Variants in ACOD1 observed in about 807,000 individuals in gnomAD.
ACOD1 encodes the protein aconitate decarboxylase 1, also known as cis-aconitate decarboxylase.
A neutral mutation model predicts 14.2 loss-of-function variants in ACOD1; 14 were observed. The ratio of observed to expected loss-of-function variants is 0.99; its 90% CI spans 0.65 to 1.54. ACOD1 has a LOEUF of 1.54. Among genes scored for constraint, ACOD1 ranks in the 40% most tolerant of loss-of-function variants. The pLI is 0.00. For missense variants in ACOD1, 530 were observed against 586.3 expected, an observed-to-expected ratio of 0.90 and a Z score of 0.99; for synonymous variants, 182 against 221.7, an observed-to-expected ratio of 0.82 and a Z score of 1.59.
chr13:76,957,615 G>T lies in ACOD1; in HGVS notation c.1076G>T (p.Arg359Met). 1 of 1,550,642 alleles carries T rather than the reference G, an allele frequency of 6.4e-7. No homozygotes were observed. Among genetic ancestry groups the T allele is most frequent in the Non-Finnish European group, 8.7e-7 (1 of 1,147,026 alleles). The change falls in exon 5 of 5, where the codon AGG becomes ATG. Residue 359 changes from arginine (R) to methionine (M), a missense_variant. By Grantham distance (91) the Arg-to-Met change is moderately conservative. Coordinates refer to ENST00000377462, the MANE Select transcript of ACOD1 (RefSeq NM_001258406.2). ...VPSFHECQIN[R>M]PQVRELLSKV... ...TCATTCCATGAATGCCAGATCAACA[G>T]GCCACAGGTGAGAGAGCTGCTCAGT... is the stretch of plus-strand genomic sequence containing the variant.
In ACOD1 at chr13:76,958,212, T is replaced by C; in HGVS notation, c.*227T>C. 2.2e-6 allele frequency: 1 copy of C among 451,200 alleles called. No individual in the cohort carries two copies. Among genetic ancestry groups the C allele is most frequent in the Non-Finnish European group, 3.9e-6 (1 of 256,866 alleles). The allele number at this position is 451,200 out of a possible 1,614,324, so 27.9% of individuals were successfully genotyped here. A position where few individuals can be genotyped will look rare whatever the true frequency, so the allele number is the denominator to read the frequency against. On this transcript the variant is annotated 3_prime_UTR_variant, in exon 5 of 5. Coordinates refer to ENST00000377462, the MANE Select transcript of ACOD1 (RefSeq NM_001258406.2). ...ACACACAAAAATGAGTTTGTAAGCA[T>C]TCACAAGGGTGAAATTCAACTCACC...
chr13:76,956,869 T>A, intron 4 of ACOD1, 141 bp from the exon 5 acceptor site: 1 of 933,276 alleles, frequency 1.1e-6, no homozygotes, highest in African/African-American at 1.7e-5. Context: ...TTTCCCCAGA[T>A]CATATAGCTA....
chr13:76,957,951 C>T lies in ACOD1; in HGVS notation c.1412C>T (p.Pro471Leu). Residue 471 changes from proline to leucine, a missense_variant, in exon 5 of 5, where the codon CCA becomes CTA. Pro to Leu is a moderately conservative substitution (Grantham distance 98). Transcript: ENST00000377462. ...PSPPEVASNS[P>L]ACNNSITNLS ...CCACCAGAGGTAGCTTCAAACTCTC[C>T]AGCATGTAATAATTCTATCACAAAT... The T allele has an allele frequency of 6.5e-7, 1 of 1,541,424 alleles. No individual in the cohort carries two copies. The highest frequency in any genetic ancestry group is 8.7e-7 in the Non-Finnish European group (1 of 1,144,202).
intron 1 of ACOD1, among the ~76,000 whole-genome samples, chr13:76,951,265 T>C (rs1439432240): frequency 1.3e-5 from 2 of 152,232 alleles, no homozygotes; most frequent in Non-Finnish European, 2.9e-5. Flanking sequence ...GAGAGGAGTC[T>C]CACTCTGTTG....
At position 76,957,546 on chromosome 13, in the gene ACOD1, A is replaced by G; in HGVS notation, c.1007A>G (p.Tyr336Cys). The change falls in exon 5 of 5, where the codon TAT becomes TGT. Residue 336 changes from tyrosine (Y) to cysteine (C), a missense_variant. By Grantham distance (194) the Tyr-to-Cys change is radical. Coordinates refer to ENST00000377462, the MANE Select transcript of ACOD1 (RefSeq NM_001258406.2). ...SEHEARHSFQ[Y>C]VACAMLLDGG... ...CATGAAGCCCGTCATTCATTCCAGT[A>G]TGTGGCCTGTGCCATGCTGCTTGAT... 6.4e-7 allele frequency: 1 copy of G among 1,550,564 alleles called. No individual in the cohort carries two copies. Among genetic ancestry groups the G allele is most frequent in the Non-Finnish European group, 8.7e-7 (1 of 1,147,004 alleles).
chr13:76,952,455 G>A (rs45537933), intron 1 of ACOD1, 34 bp from the exon 2 acceptor site: 32,927 of 1,540,024 alleles, frequency 0.021, 501 homozygotes, highest in East Asian at 0.064. Flanking sequence ...GTAAAGTGGG[G>A]TGTATCCCTG....
chr13:76,948,893 A>G (rs2137742368), intron 1 of ACOD1, among the ~76,000 whole-genome samples: 1 of 152,318 alleles, frequency 6.6e-6, no homozygotes, highest in Admixed American at 6.5e-5. Context: ...CCTTCTGTAT[A>G]AGATAAGCTT....
chr13:76,954,936 G>T (rs912462948), intron 3 of ACOD1, among the ~76,000 whole-genome samples: 3 of 151,948 alleles, frequency 2.0e-5, no homozygotes, highest in African/African-American at 7.3e-5. Context: ...AGACCACCCT[G>T]GCCAACATAG....
chr13:76,955,901 T>TA (rs1008934028), intron 4 of ACOD1, among the ~76,000 whole-genome samples: 1 of 152,222 alleles, frequency 6.6e-6, no homozygotes, highest in Non-Finnish European at 1.5e-5. Context: ...ATCCTGCAGA[T>TA]AAAAAATGGT....
chr13:76,955,359 C>T lies in ACOD1; in HGVS notation c.305C>T (p.Thr102Ile). 6.4e-7 allele frequency: 1 copy of T among 1,550,596 alleles called. No individual in the cohort carries two copies. Among genetic ancestry groups the T allele is most frequent in the Non-Finnish European group, 8.7e-7 (1 of 1,146,990 alleles). ...MDFDDTWHPA[T>I]HPSGAVLPVL... ...TTTGATGACACGTGGCACCCTGCCACCCACCCTTCTGGGGCTGTCCTTCCT... is the reference window on the plus strand; with the variant it reads ...TTTGATGACACGTGGCACCCTGCCATCCACCCTTCTGGGGCTGTCCTTCCT... Residue 102 changes from threonine to isoleucine, a missense_variant, in exon 4 of 5, where the codon ACC becomes ATC. By Grantham distance (89) the Thr-to-Ile change is moderately conservative. Transcript: ENST00000377462.
intron 1 of ACOD1, among the ~76,000 whole-genome samples, chr13:76,949,931 C>A (rs961921010): frequency 3.3e-5 from 5 of 152,168 alleles, no homozygotes; most frequent in African/African-American, 1.2e-4. Context: ...GTGCCACCAT[C>A]CTTTCTCTCT....
Position 76,953,704 on chromosome 13 carries a change from A to G in ACOD1, c.264+15A>G, listed in dbSNP as rs1173143901. 41 of 1,451,184 alleles carry G rather than the reference A, an allele frequency of 2.8e-5. No individual in the cohort carries two copies. Among genetic ancestry groups the G allele is most frequent in the Non-Finnish European group, 3.8e-5 (40 of 1,057,836 alleles). The allele number at this position is 1,451,184 out of a possible 1,614,324, so 89.9% of individuals were successfully genotyped here. The stretch of plus-strand genomic sequence containing the variant: ...ACGGTGTGGCTGTAAGGAGGTTTTC[A>G]CGTCTTTTCAACTATTAGATAATCA... On this transcript the variant is annotated intron_variant, in intron 3 of 4. Coordinates refer to ENST00000377462, the MANE Select transcript of ACOD1 (RefSeq NM_001258406.2).
intron 1 of ACOD1, among the ~76,000 whole-genome samples, chr13:76,950,021 A>C (rs1041896167): frequency 6.6e-6 from 1 of 152,156 alleles, no homozygotes; most frequent in Non-Finnish European, 1.5e-5. Context: ...GACATAAAAA[A>C]TAGCCCATCC....
At chr13:76,952,761 A>G (rs2033835167) in intron 2 of ACOD1, 111 bp downstream of exon 2, 2 of 804,528 alleles carry the variant, frequency 2.5e-6, no homozygotes, top group African/African-American at 1.8e-5. Flanking sequence ...GCACTGTTCT[A>G]TATCATTTTT....
intron 1 of ACOD1, among the ~76,000 whole-genome samples, chr13:76,948,920 T>G (rs913266835): frequency 1.3e-5 from 2 of 152,180 alleles, no homozygotes; most frequent in African/African-American, 4.8e-5. Context: ...GCAGGAACCA[T>G]CCAGTATTGA....
intron 1 of ACOD1, among the ~76,000 whole-genome samples, chr13:76,948,790 T>C (rs588702): frequency 0.81 from 123,904 of 152,192 alleles, 50,703 homozygotes; most frequent in Middle Eastern, 0.89. Context: ...GGGAATGAAT[T>C]ATGACAAGTT....
rs1200898272 is a variant in ACOD1 at position 76,948,587 on chromosome 13, T to C, written c.12+17T>C. ...ATGCTCAAGGTATTGTAGCATTTTATGTGACTTACTTAAATTGCTTTTCTA... is the reference window on the plus strand; with the variant it reads ...ATGCTCAAGGTATTGTAGCATTTTACGTGACTTACTTAAATTGCTTTTCTA... On this transcript the variant is annotated intron_variant, in intron 1 of 4. Coordinates refer to ENST00000377462, the MANE Select transcript of ACOD1 (RefSeq NM_001258406.2). The C allele has an allele frequency of 6.6e-7, 1 of 1,508,408 alleles. No homozygotes were observed. Among genetic ancestry groups the C allele is most frequent in the South Asian group, 1.2e-5 (1 of 83,100 alleles). The allele number at this position is 1,508,408 out of a possible 1,614,324, so 93.4% of individuals were successfully genotyped here.
At chr13:76,951,612 T>C (rs2033822086) in intron 1 of ACOD1, among the ~76,000 whole-genome samples, 1 of 152,206 alleles carries the variant, frequency 6.6e-6, no homozygotes, top group South Asian at 2.1e-4. Context: ...TTTTTCCTAC[T>C]AAGCTTTCAA....
At chr13:76,956,079 C>A (rs1036903692) in intron 4 of ACOD1, among the ~76,000 whole-genome samples, 5 of 152,182 alleles carry the variant, frequency 3.3e-5, no homozygotes, top group Admixed American at 1.3e-4. Context: ...ATAGCTGTTG[C>A]CTTTCTGGCA....
Sources: allele counts gnomAD v4.1 joint callset (sites outside exome capture counted in the v4.1 genomes callset), GRCh38; gene constraint gnomAD v4.1.1; transcripts MANE v1.5; gene names NCBI Gene and HGNC (gene_info 2026-07-23, HGNC 2026-07-21).